The following ANO10 variants were observed in gnomAD, a reference collection of about 807,000 sequenced individuals.
ANO10 encodes the protein anoctamin-10.
Under a neutral mutation model 74.7 loss-of-function variants are expected in ANO10, and 77 were observed. The observed-to-expected ratio is 1.03, with a 90% confidence interval of 0.86 to 1.25. The LOEUF (loss-of-function observed/expected upper bound fraction) is 1.25, where lower values mean the gene tolerates loss of function less well. Ranked by LOEUF, ANO10 falls within the 50% of genes most tolerant of loss-of-function variation. The pLI is 0.00. For synonymous variants in ANO10, 279 were observed against 284.9 expected (o/e 0.98, Z 0.21); for missense variants, 721 against 778.1 (o/e 0.93, Z 0.87).
At chr3:43,426,417 T>C (rs1431865381) in intron 12 of ANO10, among the ~76,000 whole-genome samples, 1 of 152,216 alleles carries the variant, frequency 6.6e-6, no homozygotes, top group Non-Finnish European at 1.5e-5. Flanking sequence ...CCTGTCTAGT[T>C]AAGGGTCCTA....
At chr3:43,550,867 G>A (rs1005926610) in intron 10 of ANO10, among the ~76,000 whole-genome samples, 5 of 151,936 alleles carry the variant, frequency 3.3e-5, no homozygotes, top group African/African-American at 1.2e-4. Flanking sequence ...ATTCTCCCTA[G>A]AAGACAACCA....
In ANO10 at chr3:43,576,718, T is replaced by C; in HGVS notation, c.1136A>G (p.Tyr379Cys). The change falls in exon 6 of 13, where the codon TAT (tyrosine) becomes TGT (cysteine). Residue 379 changes from tyrosine to cysteine, a missense_variant. By Grantham distance (194) the Tyr-to-Cys change is radical. Transcript: ENST00000292246. The stretch of plus-strand genomic sequence containing the variant: ...CCATGAAGTTAAAAACTCGGCAGCA[T>C]ATCGATAGAGACGATTCATGATCTC... ...VIEIMNRLYR[Y>C]AAEFLTSWEN... The C allele has an allele frequency of 6.2e-7, 1 of 1,614,186 alleles. No homozygotes were observed.
intron 10 of ANO10, among the ~76,000 whole-genome samples, chr3:43,550,725 CTT>C (rs1438126832): frequency 1.3e-5 from 2 of 152,080 alleles, no homozygotes; most frequent in African/African-American, 2.4e-5. Context: ...CTAAGACTGT[CTT>C]TACTTTAGTT....
At chr3:43,585,047 T>C (rs113254939) in intron 4 of ANO10, among the ~76,000 whole-genome samples, 9 of 152,352 alleles carry the variant, frequency 5.9e-5, no homozygotes, top group African/African-American at 2.2e-4. Flanking sequence ...GTATTTAAGT[T>C]ACTCTAAGTT....
chr3:43,628,440 A>G (rs535486736), intron 1 of ANO10, among the ~76,000 whole-genome samples: 1 of 152,262 alleles, frequency 6.6e-6, no homozygotes, highest in South Asian at 2.1e-4. Context: ...TCGCCTCAGG[A>G]CCCTGTGATA....
chr3:43,435,038 G>T (rs1408767262), intron 11 of ANO10, among the ~76,000 whole-genome samples: 1 of 152,014 alleles, frequency 6.6e-6, no homozygotes, highest in African/African-American at 2.4e-5. Flanking sequence ...TTTATATGGG[G>T]GAAAAACTTA....
In ANO10 at chr3:43,459,450, G is replaced by T. The variant is rs141955233; in HGVS notation, c.1798-26723C>A. Among the ~76,000 whole-genome samples the T allele has an allele frequency of 3.0e-3, 453 of 152,200 alleles. 1 individual carries two copies. Among genetic ancestry groups the T allele is most frequent in the African/African-American group, 0.011 (437 of 41,520 alleles). On this transcript the variant is annotated intron_variant, in intron 11 of 12. Transcript: ENST00000292246. ...TGTGAAGAGGCTAAGGGTGAGGGAG[G>T]GCTTGCTGGCAATGAAACAAGGTTT...
chr3:43,517,834 T>G (rs1030664401), intron 11 of ANO10, among the ~76,000 whole-genome samples: 14 of 152,166 alleles, frequency 9.2e-5, no homozygotes, highest in African/African-American at 3.4e-4. Flanking sequence ...GCCCACTGAT[T>G]GTGTGCTTAA....
rs184990877 is a variant in ANO10 at position 43,636,780 on chromosome 3, G to C, written c.-11-30917C>G. On this transcript the variant is annotated intron_variant, in intron 1 of 3. Coordinates refer to the ANO10 transcript ENST00000413397. ...TTGAAAGTATCTAGCATTTAAATTTGTTGTAAACCTGAATTGATATTTCTT... is the reference window on the plus strand; with the variant it reads ...TTGAAAGTATCTAGCATTTAAATTTCTTGTAAACCTGAATTGATATTTCTT... Among the ~76,000 whole-genome samples, 5 of 152,248 alleles carry C rather than the reference G, an allele frequency of 3.3e-5. No homozygotes were observed. In the East Asian group the frequency reaches 9.6e-4, roughly 29 times the overall value.
At chr3:43,520,997 GTTC>G in intron 11 of ANO10, among the ~76,000 whole-genome samples, 1 of 152,106 alleles carries the variant, frequency 6.6e-6, no homozygotes, top group East Asian at 1.9e-4. Flanking sequence ...TTTGTACATT[GTTC>G]TTGTCTCTTG....
At chr3:43,370,682 CA>C (rs2091577644) in intron 12 of ANO10, among the ~76,000 whole-genome samples, 2 of 152,198 alleles carry the variant, frequency 1.3e-5, no homozygotes, top group South Asian at 2.1e-4. Context: ...AAAAAAGTAT[CA>C]AAATGGAGAC....
chr3:43,546,308 G>A (rs6797855), intron 11 of ANO10, among the ~76,000 whole-genome samples: 118,318 of 152,142 alleles, frequency 0.78, 46,542 homozygotes, highest in East Asian at 0.89. Flanking sequence ...ACAATCTTGA[G>A]AAAGAAGAAC....
At chr3:43,425,995 C>T (rs951423946) in intron 12 of ANO10, among the ~76,000 whole-genome samples, 4 of 152,136 alleles carry the variant, frequency 2.6e-5, no homozygotes, top group African/African-American at 9.7e-5. Flanking sequence ...CCACAAACCC[C>T]TTTATCTTAA....
At chr3:43,552,032 T>A (rs1447260247) in intron 10 of ANO10, among the ~76,000 whole-genome samples, 1 of 152,256 alleles carries the variant, frequency 6.6e-6, no homozygotes, top group African/African-American at 2.4e-5. Context: ...TGTGGTTTAC[T>A]TGAACATTTT....
chr3:43,497,102 C>A (rs1270749478), intron 11 of ANO10, among the ~76,000 whole-genome samples: 1 of 152,150 alleles, frequency 6.6e-6, no homozygotes, highest in Non-Finnish European at 1.5e-5. Flanking sequence ...AGCACTTTTT[C>A]TTATTCTGTC....
At chr3:43,422,543 C>A (rs1295356620) in intron 12 of ANO10, among the ~76,000 whole-genome samples, 1 of 152,160 alleles carries the variant, frequency 6.6e-6, no homozygotes, top group Non-Finnish European at 1.5e-5. Flanking sequence ...AAGCACACAG[C>A]CATCACTTCT....
At chr3:43,471,810 A>T (rs1478982355) in intron 11 of ANO10, among the ~76,000 whole-genome samples, 1 of 152,164 alleles carries the variant, frequency 6.6e-6, no homozygotes, top group Non-Finnish European at 1.5e-5. Context: ...GAAACAAAAC[A>T]TCATAGGAAA....
intron 12 of ANO10, among the ~76,000 whole-genome samples, chr3:43,422,877 A>G (rs1384352742): frequency 1.3e-5 from 2 of 152,210 alleles, no homozygotes; most frequent in Non-Finnish European, 2.9e-5. Flanking sequence ...TACTGTCTGG[A>G]TGCCTCTGTG....
At chr3:43,625,854 A>G (rs1210210742), upstream of ANO10, among the ~76,000 whole-genome samples, 2 of 151,286 alleles carry the variant, frequency 1.3e-5, no homozygotes, top group Admixed American at 6.6e-5. Context: ...TAACTGGTCA[A>G]TTTTACCAGG....
Sources: gnomAD v4.1 joint callset for allele counts (sites outside exome capture counted in the v4.1 genomes callset) on GRCh38, gnomAD v4.1.1 for gene constraint, MANE v1.5 for transcripts, NCBI Gene and HGNC (gene_info 2026-07-23, HGNC 2026-07-21) for gene names.